SLC35F5: variants seen among roughly 807,000 people sequenced by gnomAD.
The protein encoded by SLC35F5 is solute carrier family 35 member F5.
In SLC35F5, 54 loss-of-function variants were observed where a neutral mutation model predicts 68.6. The observed-to-expected ratio is 0.79, with a 90% CI of 0.63 to 0.99. The LOEUF (loss-of-function observed/expected upper bound fraction) is 0.99, where lower values mean the gene tolerates loss of function less well. Ranked by LOEUF, SLC35F5 falls within the 50% of genes least tolerant of loss-of-function variation. SLC35F5 has a pLI of 0.00. For synonymous variants in SLC35F5, 211 were observed against 205.2 expected (o/e 1.03, Z -0.24); for missense variants, 567 against 626.9 (o/e 0.90, Z 1.02).
At chr2:113,735,551 T>A (rs1688056987) in intron 8 of SLC35F5, among the ~76,000 whole-genome samples, 1 of 152,222 alleles carries the variant, frequency 6.6e-6, no homozygotes, top group Admixed American at 6.5e-5. Flanking sequence ...AATACAGTAT[T>A]ATAATCTTAT....
Position 113,725,529 on chromosome 2 carries a change from C to G in SLC35F5, c.1099G>C (p.Gly367Arg). The change falls in exon 12 of 16, where the codon GGT becomes CGT. Residue 367 changes from glycine to arginine, a missense_variant. Gly to Arg is a moderately radical substitution (Grantham distance 125). Coordinates refer to ENST00000245680, the MANE Select transcript of SLC35F5 (RefSeq NM_025181.5). ...CATAAGAGCAGCAGATTAAACAAAC[C>G]TACAAAACCTGAACATGTATAAAAG... ...LDIPMFFGFV[G>R]LFNLLLLWPG... 1 of 1,576,002 alleles carries G rather than the reference C, an allele frequency of 6.3e-7. No homozygotes were observed. The highest frequency in any genetic ancestry group is 8.5e-7 in the Non-Finnish European group (1 of 1,170,090).
At chr2:113,722,474 T>C (rs984866842) in intron 13 of SLC35F5, among the ~76,000 whole-genome samples, 1 of 152,134 alleles carries the variant, frequency 6.6e-6, no homozygotes, top group South Asian at 2.1e-4. Context: ...GTGTGATAAA[T>C]GGCTATGCTC....
At chr2:113,705,999 C>T (rs1286920810), downstream of SLC35F5, among the ~76,000 whole-genome samples, 1 of 152,202 alleles carries the variant, frequency 6.6e-6, no homozygotes, top group Non-Finnish European at 1.5e-5. Context: ...ATTCCACTTT[C>T]TGGAGTGGAC....
chr2:113,706,534 G>A (rs1160474826), downstream of SLC35F5, among the ~76,000 whole-genome samples: 1 of 152,164 alleles, frequency 6.6e-6, no homozygotes, highest in Non-Finnish European at 1.5e-5. Context: ...CTCTTATTCA[G>A]GACCCTCCCA....
chr2:113,717,181 A>G (rs1049198816), intron 15 of SLC35F5, among the ~76,000 whole-genome samples: 1 of 152,228 alleles, frequency 6.6e-6, no homozygotes, highest in Non-Finnish European at 1.5e-5. Flanking sequence ...GAAGACATAT[A>G]AAAGACACTA....
intron 1 of SLC35F5, 145 bp downstream of exon 1, chr2:113,756,225 C>T: frequency 2.6e-6 from 4 of 1,520,118 alleles, no homozygotes; most frequent in Non-Finnish European, 3.5e-6. Flanking sequence ...CCCCTGTCAG[C>T]TCCCGCTCCC....
chr2:113,720,188 T>C (rs1301568987), intron 13 of SLC35F5, among the ~76,000 whole-genome samples: 1 of 152,030 alleles, frequency 6.6e-6, no homozygotes, highest in Non-Finnish European at 1.5e-5. Context: ...CAGAAACGAT[T>C]GTCAAAGAAG....
chr2:113,721,395 A>T (rs1430060109), intron 13 of SLC35F5: 2 of 153,996 alleles, frequency 1.3e-5, no homozygotes, highest in African/African-American at 4.8e-5. Flanking sequence ...ATGTTTTTAT[A>T]ATTAATTGCA....
Position 113,734,571 on chromosome 2 carries a change from A to C in SLC35F5, c.920+15T>G, listed in dbSNP as rs773238265. Reference sequence around the variant, plus strand: ...TTTTAAGCAGAGCAAACTAGCTATCACACTATATGCTTACCTTAAAATTAC... The same window carrying C: ...TTTTAAGCAGAGCAAACTAGCTATCCCACTATATGCTTACCTTAAAATTAC... On this transcript the variant is annotated intron_variant, in intron 9 of 15. Coordinates refer to ENST00000245680, the MANE Select transcript of SLC35F5 (RefSeq NM_025181.5). The C allele has an allele frequency of 3.5e-6, 5 of 1,423,522 alleles. No homozygotes were observed. Among genetic ancestry groups the C allele is most frequent in the Non-Finnish European group, 3.9e-6 (4 of 1,020,112 alleles). 88.2% of individuals were successfully genotyped at this position (1,423,522 alleles called of 1,614,324 possible). A position where few individuals can be genotyped will look rare whatever the true frequency, so the allele number is the denominator to read the frequency against.
In SLC35F5 at chr2:113,753,168, C is replaced by CTTTTTTTTTTTT. The variant is rs1173478465; in HGVS notation, c.273+1985_273+1996dup. On this transcript the variant is annotated intron_variant, in intron 3 of 15. Transcript: ENST00000245680. ...CACTTTATCTCCAAAGTTTGTTTTT[C>CTTTTTTTTTTTT]TTTTTTTTTTTTTTTTTTTTTTTTT... Among the ~76,000 whole-genome samples, 286 of 49,072 alleles carry CTTTTTTTTTTTT rather than the reference C, an allele frequency of 5.8e-3. 92 individuals are homozygous for CTTTTTTTTTTTT. The highest frequency in any genetic ancestry group is 7.2e-3 in the Non-Finnish European group (205 of 28,286). 32.2% of individuals were successfully genotyped at this position (49,072 alleles called of 152,430 possible).
rs1686970196 is a variant in SLC35F5, at chr2:113,711,177, C to T, written c.*4041G>A. Among the ~76,000 whole-genome samples the T allele has an allele frequency of 6.6e-6, 1 of 152,124 alleles. No individual in the cohort carries two copies. The highest frequency in any genetic ancestry group is 2.4e-5 in the African/African-American group (1 of 41,418). On this transcript the variant is annotated 3_prime_UTR_variant, in exon 16 of 16. Coordinates refer to ENST00000245680, the MANE Select transcript of SLC35F5 (RefSeq NM_025181.5). ...AAAAATAAAAATCATGTTTGTGTCA[C>T]CCCAGATTCAAAATGCTGTTATTGG...
At chr2:113,747,401 C>G (rs1234308343) in intron 4 of SLC35F5, among the ~76,000 whole-genome samples, 1 of 152,110 alleles carries the variant, frequency 6.6e-6, no homozygotes, top group Non-Finnish European at 1.5e-5. Context: ...CTATCATTAT[C>G]TCTGCTGAAA....
chr2:113,704,366 G>A (rs571505336), downstream of SLC35F5, among the ~76,000 whole-genome samples: 26 of 152,320 alleles, frequency 1.7e-4, no homozygotes, highest in South Asian at 1.7e-3. Context: ...TTCACCCAGC[G>A]GATCCCGCAC....
At chr2:113,744,844 A>G (rs1676424219) in intron 5 of SLC35F5, among the ~76,000 whole-genome samples, 1 of 152,236 alleles carries the variant, frequency 6.6e-6, no homozygotes, top group South Asian at 2.1e-4. Flanking sequence ...AGGTTTGTCT[A>G]ACCATGCTCC....
rs769995286 is a variant in SLC35F5, at chr2:113,719,359, A to G, written c.1342-51T>C. ...ACACACCCACAATTATCATTAAGGCAATTTTCCCCTTCAATGTAAGTTTTC... is the reference window on the plus strand; with the variant it reads ...ACACACCCACAATTATCATTAAGGCGATTTTCCCCTTCAATGTAAGTTTTC... On this transcript the variant is annotated intron_variant, in intron 13 of 15. Transcript: ENST00000245680. 67 of 1,481,312 alleles carry G rather than the reference A, an allele frequency of 4.5e-5. No homozygotes were observed. In the Admixed American group the frequency reaches 6.6e-4, roughly 15 times the overall value. 91.8% of individuals were successfully genotyped at this position (1,481,312 alleles called of 1,614,324 possible).
At chr2:113,754,813 T>C in intron 3 of SLC35F5, among the ~76,000 whole-genome samples, 1 of 152,214 alleles carries the variant, frequency 6.6e-6, no homozygotes, top group African/African-American at 2.4e-5. Flanking sequence ...TTCTACTAAA[T>C]GGTGACATTG....
chr2:113,730,186 G>A (rs1041303250), intron 10 of SLC35F5, among the ~76,000 whole-genome samples: 2 of 152,072 alleles, frequency 1.3e-5, no homozygotes, highest in South Asian at 2.1e-4. Context: ...ACTTTTTAAT[G>A]TTCCAAAACA....
In SLC35F5 at chr2:113,713,700, TG is replaced by T. The variant is rs1468137441; in HGVS notation, c.*1517del. The stretch of plus-strand genomic sequence containing the variant: ...CATTATTTTTAACTTGCGTTATTGG[TG>T]GTGCCAAATGAGAAAAGAGCTGTTT... On this transcript the variant is annotated 3_prime_UTR_variant, in exon 16 of 16. Coordinates refer to ENST00000245680, the MANE Select transcript of SLC35F5 (RefSeq NM_025181.5). The T allele has an allele frequency of 1.5e-4, 22 of 147,134 alleles. No individual in the cohort carries two copies. The highest frequency in any genetic ancestry group is 1.5e-5 in the Non-Finnish European group (1 of 67,298). The allele number at this position is 147,134 out of a possible 1,614,324, so 9.1% of individuals were successfully genotyped here.
Position 113,755,305 on chromosome 2 carries a change from G to T in SLC35F5, c.133C>A (p.Leu45Met). Residue 45 changes from leucine (L) to methionine (M), a missense_variant and splice_region_variant, in exon 3 of 16, where the codon CTG becomes ATG. Coordinates refer to ENST00000245680, the MANE Select transcript of SLC35F5 (RefSeq NM_025181.5). ...EDLRRALKTR[L>M]QMVCVFVMNR... ...ATGACAAATACACACACCATTTGCA[G>T]TCTGTTTTTTAGAAAATACAGATCA... The T allele has an allele frequency of 1.9e-6, 3 of 1,613,826 alleles. No individual in the cohort carries two copies. The highest frequency in any genetic ancestry group is 1.6e-4 in the Middle Eastern group (1 of 6,062).
Sources: gnomAD v4.1 joint callset for allele counts (sites outside exome capture counted in the v4.1 genomes callset) on GRCh38, gnomAD v4.1.1 for gene constraint, MANE v1.5 for transcripts, NCBI Gene and HGNC (gene_info 2026-07-23, HGNC 2026-07-21) for gene names.